PCDHA9: variants seen among roughly 807,000 people sequenced by gnomAD.
PCDHA9 encodes protocadherin alpha-9.
PCDHA9 carries 62 observed loss-of-function variants against 62.0 expected under a neutral mutation model. That is an observed-to-expected ratio of 1.00 (90% CI 0.81 to 1.23). The LOEUF (loss-of-function observed/expected upper bound fraction) is 1.23. PCDHA9 is among the 50% of genes most tolerant of loss of function. The pLI, the probability that PCDHA9 is intolerant of heterozygous loss-of-function variation, is 0.00. For missense variants in PCDHA9, 1,205 were observed against 1,249.8 expected (o/e 0.96, Z 0.54); for synonymous variants, 557 against 567.6 (o/e 0.98, Z 0.27).
intron 1 of PCDHA9, chr5:140,857,387 G>A (rs369919324): frequency 2.5e-6 from 4 of 1,598,586 alleles, no homozygotes; most frequent in Admixed American, 1.7e-5. Flanking sequence ...GGTGGCCGAC[G>A]TGAACGACAA....
intron 3 of PCDHA9, among the ~76,000 whole-genome samples, chr5:141,002,081 G>T (rs1016567220): frequency 3.3e-5 from 5 of 152,220 alleles, no homozygotes; most frequent in South Asian, 2.1e-4. Flanking sequence ...GCCAAAGAAC[G>T]AGCAGTCCAG....
chr5:140,944,346 C>A (rs2093644964), intron 1 of PCDHA9, among the ~76,000 whole-genome samples: 2 of 152,130 alleles, frequency 1.3e-5, no homozygotes, highest in African/African-American at 4.8e-5. Flanking sequence ...TGCCACCACA[C>A]CTGGCTAATT....
chr5:140,875,810 C>T, intron 1 of PCDHA9: 1 of 1,614,106 alleles, frequency 6.2e-7, no homozygotes, highest in Non-Finnish European at 8.5e-7. Context: ...GTGGACAGGC[C>T]GCTGCAGGTT....
intron 1 of PCDHA9, among the ~76,000 whole-genome samples, chr5:140,911,441 T>C (rs2075476385): frequency 6.6e-6 from 1 of 152,154 alleles, no homozygotes. Context: ...TTTCCCGCAA[T>C]TTCAGCTCTT....
intron 1 of PCDHA9, chr5:140,882,004 C>CA (rs1296948506): frequency 1.0e-5 from 5 of 496,760 alleles, no homozygotes; most frequent in Non-Finnish European, 1.7e-5. Flanking sequence ...ATGCAAGGGG[C>CA]AAAAAAATAC....
rs2150412469 is a variant in PCDHA9 at position 140,848,541 on chromosome 5, C to T, written c.46C>T (p.Leu16Phe). The change falls in exon 1 of 4, where the codon CTC (leucine) becomes TTC (phenylalanine). Residue 16 changes from leucine (L) to phenylalanine (F), a missense_variant. Transcript: ENST00000532602. ...RGDPEGQPLLLSLLILAMWVV... is the reference protein window; with the variant it reads ...RGDPEGQPLLFSLLILAMWVV... ...AGATCCAGAGGGTCAGCCTCTACTG[C>T]TCTCGCTTCTGATCCTCGCAATGTG... 3 of 1,595,306 alleles carry T rather than the reference C, an allele frequency of 1.9e-6. No homozygotes were observed. The highest frequency in any genetic ancestry group is 1.3e-5 in the African/African-American group (1 of 74,370).
rs782380359 is a variant in PCDHA9 at position 140,858,226 on chromosome 5, C to T, written c.2394+7337C>T. ...CACTGAGGTGCTCGGCGGCGCCCAC[C>T]GAGGGCGCATGTGGGCCGGTGAAGC... On this transcript the variant is annotated intron_variant, in intron 1 of 3. Transcript: ENST00000532602. 1.3e-5 allele frequency: 21 copies of T among 1,595,412 alleles called. 1 individual carries two copies. The highest frequency in any genetic ancestry group is 1.6e-5 in the Non-Finnish European group (19 of 1,165,410).
chr5:140,920,630 G>A (rs937787340), intron 1 of PCDHA9, among the ~76,000 whole-genome samples: 1 of 152,060 alleles, frequency 6.6e-6, no homozygotes, highest in Non-Finnish European at 1.5e-5. Flanking sequence ...TGGATCACAA[G>A]GTCAAGAGAT....
chr5:140,994,747 G>A (rs2097648455), intron 3 of PCDHA9, among the ~76,000 whole-genome samples: 1 of 152,152 alleles, frequency 6.6e-6, no homozygotes, highest in Non-Finnish European at 1.5e-5. Context: ...ATGGCAAGTA[G>A]GATGTGGAGA....
intron 3 of PCDHA9, among the ~76,000 whole-genome samples, chr5:141,000,412 TATATA>T (rs2097919858): frequency 7.8e-5 from 8 of 102,770 alleles, no homozygotes; most frequent in African/African-American, 2.3e-4. Flanking sequence ...TATATATATA[TATATA>T]TATATTTTTT....
chr5:140,900,840 T>A (rs6874218), intron 1 of PCDHA9, among the ~76,000 whole-genome samples: 3 of 151,950 alleles, frequency 2.0e-5, no homozygotes, highest in Non-Finnish European at 4.4e-5. Context: ...ATGTACAAAG[T>A]TTCCCTTTTT....
intron 1 of PCDHA9, among the ~76,000 whole-genome samples, chr5:140,960,750 A>C (rs1367583531): frequency 6.6e-6 from 1 of 152,048 alleles, no homozygotes; most frequent in African/African-American, 2.4e-5. Context: ...CATGGCTAAA[A>C]TCCCAAGAGT....
chr5:140,869,504 C>G (rs959374162), intron 1 of PCDHA9: 1 of 1,614,200 alleles, frequency 6.2e-7, no homozygotes, highest in Admixed American at 1.7e-5. Context: ...CCGGTGTTCT[C>G]GCTCAGAGAA....
chr5:140,869,786 T>C lies in PCDHA9; in HGVS notation c.2394+18897T>C, dbSNP rs1554163459. On this transcript the variant is annotated intron_variant, in intron 1 of 3. Transcript: ENST00000532602. ...CCAGAGCTTACTGGCACCGTTCGGC[T>C]GTTAGTCCAAGTCTTGGATGTCAAC... 1.9e-6 allele frequency: 3 copies of C among 1,612,992 alleles called. No homozygotes were observed. The East Asian group carries it at 6.7e-5, about 36-fold the overall frequency.
intron 1 of PCDHA9, chr5:140,884,432 C>G: frequency 6.2e-7 from 1 of 1,613,880 alleles, no homozygotes; most frequent in Non-Finnish European, 8.5e-7. Context: ...TACTGCGCTG[C>G]GGTGCTCGGC....
intron 1 of PCDHA9, chr5:140,930,195 G>A (rs1427541259): frequency 6.6e-6 from 1 of 152,140 alleles, no homozygotes; most frequent in East Asian, 1.9e-4. Context: ...TAATTTTTAT[G>A]TCAGAAATAT....
rs1337537154 is a variant in PCDHA9, at chr5:140,853,299, T to G, written c.2394+2410T>G. 5.1e-6 allele frequency: 5 copies of G among 982,044 alleles called. No homozygotes were observed. In the African/African-American group the frequency reaches 7.1e-5, roughly 14 times the overall value. 60.8% of individuals were successfully genotyped at this position (982,044 alleles called of 1,614,324 possible). The stretch of plus-strand genomic sequence containing the variant: ...ATCATATGCAAATTCTCAGAAGGGC[T>G]GTGAACACCTTAGTAATAAATTTAT... On this transcript the variant is annotated intron_variant, in intron 1 of 3. Coordinates refer to ENST00000532602, the MANE Select transcript of PCDHA9 (RefSeq NM_031857.2).
At chr5:140,865,190 C>T (rs976709711) in intron 1 of PCDHA9, 3 of 152,106 alleles carry the variant, frequency 2.0e-5, no homozygotes, top group Admixed American at 1.3e-4. Flanking sequence ...TGCCTTCACA[C>T]CATATTAATG....
At chr5:140,852,787 T>G in intron 1 of PCDHA9, 1 of 977,880 alleles carries the variant, frequency 1.0e-6, no homozygotes, top group Non-Finnish European at 1.2e-6. Context: ...AATAGAGGGA[T>G]GCTACAGATG....
Sources: gnomAD v4.1 joint callset for allele counts (sites outside exome capture counted in the v4.1 genomes callset) on GRCh38, gnomAD v4.1.1 for gene constraint, MANE v1.5 for transcripts, NCBI Gene and HGNC (gene_info 2026-07-23, HGNC 2026-07-21) for gene names.